The following TBC1D5 variants were observed in gnomAD, a reference collection of about 807,000 sequenced individuals.
TBC1D5 encodes the protein TBC1 domain family member 5, also known as TBC1 domain family, member 5.
TBC1D5 carries 75 observed loss-of-function variants against 100.3 expected under a neutral mutation model. That is an observed-to-expected ratio of 0.75 (90% CI 0.62 to 0.91). The LOEUF (loss-of-function observed/expected upper bound fraction) is 0.91, where lower values mean the gene tolerates loss of function less well. TBC1D5 is among the 40% of genes least tolerant of loss of function. TBC1D5 has a pLI of 0.00. For missense variants in TBC1D5, 910 were observed against 942.4 expected, an observed-to-expected ratio of 0.97 and a Z score of 0.45; for synonymous variants, 323 against 325.6, an observed-to-expected ratio of 0.99 and a Z score of 0.09.
intron 1 of TBC1D5, among the ~76,000 whole-genome samples, chr3:17,657,255 T>C (rs577239602): frequency 6.6e-6 from 1 of 151,368 alleles, no homozygotes; most frequent in East Asian, 1.9e-4. Flanking sequence ...GGGTAAGTAC[T>C]ACCAACTTCA....
chr3:17,160,846 T>A, exon 22 of TBC1D5: 1 of 1,321,526 alleles, frequency 7.6e-7, no homozygotes, highest in Non-Finnish European at 1.0e-6. Flanking sequence ...CAATGCAAAA[T>A]GCATGCCGGG....
At chr3:17,579,973 G>A (rs994315512) in intron 2 of TBC1D5, among the ~76,000 whole-genome samples, 3 of 152,114 alleles carry the variant, frequency 2.0e-5, no homozygotes, top group Admixed American at 6.6e-5. Flanking sequence ...CGGGGCTGAT[G>A]TGACCAGGAG....
chr3:17,709,206 G>A (rs1423615025), intron 1 of TBC1D5, among the ~76,000 whole-genome samples: 3 of 152,088 alleles, frequency 2.0e-5, no homozygotes, highest in East Asian at 1.9e-4. Context: ...CAAATCTTTC[G>A]AAAGAGATCA....
intron 14 of TBC1D5, among the ~76,000 whole-genome samples, chr3:17,302,327 C>T (rs75253039): frequency 6.6e-6 from 1 of 152,132 alleles, no homozygotes; most frequent in Non-Finnish European, 1.5e-5. Flanking sequence ...GTGCATGTCT[C>T]TTGCCAAATT....
At chr3:17,580,813 G>A (rs2096689466) in intron 2 of TBC1D5, among the ~76,000 whole-genome samples, 1 of 152,094 alleles carries the variant, frequency 6.6e-6, no homozygotes, top group Non-Finnish European at 1.5e-5. Flanking sequence ...AGACCAATGA[G>A]TTTTCCTCTT....
At position 17,383,900 on chromosome 3, in the gene TBC1D5, A is replaced by G. The variant is rs2093048509; in HGVS notation, c.612+13T>C. On this transcript the variant is annotated intron_variant, in intron 9 of 21. Transcript: ENST00000253692. ...TGAGTCAATGGATGCCACCTGTAAGATATTTTCATTACCTGTTTATAAAGC... is the reference window on the plus strand; with the variant it reads ...TGAGTCAATGGATGCCACCTGTAAGGTATTTTCATTACCTGTTTATAAAGC... 1 of 1,575,702 alleles carries G rather than the reference A, an allele frequency of 6.3e-7. No homozygotes were observed. The highest frequency in any genetic ancestry group is 1.2e-5 in the South Asian group (1 of 85,670).
chr3:17,463,333 C>T (rs550371142), intron 3 of TBC1D5, among the ~76,000 whole-genome samples: 11 of 152,152 alleles, frequency 7.2e-5, no homozygotes, highest in Non-Finnish European at 1.6e-4. Context: ...TATTTGCCTA[C>T]TTCTGGGTTC....
intron 3 of TBC1D5, among the ~76,000 whole-genome samples, chr3:17,487,064 A>C (rs7427235): frequency 0.08 from 12,195 of 152,254 alleles, 1,010 homozygotes; most frequent in African/African-American, 0.22. Context: ...AACTAAAGCC[A>C]ATTGGACAAA....
intron 15 of TBC1D5, among the ~76,000 whole-genome samples, chr3:17,260,982 T>C (rs939144467): frequency 4.6e-5 from 7 of 152,066 alleles, no homozygotes; most frequent in Non-Finnish European, 1.5e-5. Flanking sequence ...TAGCCACACT[T>C]CAAGTGCTAA....
At chr3:17,617,203 T>TATTG (rs1437225242) in intron 2 of TBC1D5, among the ~76,000 whole-genome samples, 1 of 152,220 alleles carries the variant, frequency 6.6e-6, no homozygotes, top group Non-Finnish European at 1.5e-5. Flanking sequence ...GAATGTTGAA[T>TATTG]ATTGGCTCCC....
intron 17 of TBC1D5, among the ~76,000 whole-genome samples, chr3:17,227,310 CA>C (rs2074996766): frequency 6.6e-6 from 1 of 152,096 alleles, no homozygotes; most frequent in African/African-American, 2.4e-5. Context: ...CTAGCTTAAT[CA>C]GGGCCTGATT....
At chr3:17,186,903 A>C in intron 18 of TBC1D5, among the ~76,000 whole-genome samples, 1 of 152,034 alleles carries the variant, frequency 6.6e-6, no homozygotes, top group East Asian at 1.9e-4. Flanking sequence ...AAGAACAAAT[A>C]CTACAAGAAG....
At chr3:17,292,812 C>T (rs961771822) in intron 14 of TBC1D5, among the ~76,000 whole-genome samples, 3 of 152,214 alleles carry the variant, frequency 2.0e-5, no homozygotes, top group Non-Finnish European at 4.4e-5. Context: ...AGAAACTTTA[C>T]AGTTTTAACT....
At chr3:17,401,536 C>T (rs2093652181) in intron 8 of TBC1D5, among the ~76,000 whole-genome samples, 1 of 151,940 alleles carries the variant, frequency 6.6e-6, no homozygotes, top group African/African-American at 2.4e-5. Flanking sequence ...AAAAAATTCC[C>T]AGTATCACTG....
At position 17,428,431 on chromosome 3, in the gene TBC1D5, A is replaced by ATATG. The variant is rs1553748272; in HGVS notation, c.167+15_167+18dup. 1 of 714,296 alleles carries ATATG rather than the reference A, an allele frequency of 1.4e-6. No homozygotes were observed. Among genetic ancestry groups the ATATG allele is most frequent in the Non-Finnish European group, 2.1e-6 (1 of 481,958 alleles). The allele number at this position is 714,296 out of a possible 1,614,324, so 44.2% of individuals were successfully genotyped here. ...TGTGTGTATATATATATATATATAT[A>ATATG]TATGTATTCATCACCTACCTATAGG... is the stretch of plus-strand genomic sequence containing the variant. On this transcript the variant is annotated intron_variant, in intron 4 of 21. Coordinates refer to ENST00000253692, the Ensembl canonical transcript of TBC1D5.
At chr3:17,458,326 C>T (rs182495128) in intron 3 of TBC1D5, among the ~76,000 whole-genome samples, 10 of 152,292 alleles carry the variant, frequency 6.6e-5, no homozygotes, top group Non-Finnish European at 1.3e-4. Context: ...ATTGTTGCAG[C>T]GCTTCTGACA....
chr3:17,569,197 A>G (rs1477001255), intron 2 of TBC1D5, among the ~76,000 whole-genome samples: 5 of 151,848 alleles, frequency 3.3e-5, no homozygotes, highest in Non-Finnish European at 7.4e-5. Context: ...AAAGATAAAA[A>G]CCCAATCCTA....
chr3:17,426,033 G>GA (rs5846961), intron 4 of TBC1D5, among the ~76,000 whole-genome samples: 76,670 of 151,862 alleles, frequency 0.5, 21,190 homozygotes, highest in African/African-American at 0.71. Flanking sequence ...GTATGTTGGT[G>GA]TAGGTTTCAG....
intron 4 of TBC1D5, chr3:17,406,753 CATA>C: frequency 8.1e-6 from 4 of 491,448 alleles, no homozygotes; most frequent in Non-Finnish European, 1.1e-5. Context: ...TACTGAAATT[CATA>C]ATGTCTATGG....
Sources: gnomAD v4.1 joint callset for allele counts (sites outside exome capture counted in the v4.1 genomes callset) on GRCh38, gnomAD v4.1.1 for gene constraint, MANE v1.5 for transcripts, NCBI Gene and HGNC (gene_info 2026-07-23, HGNC 2026-07-21) for gene names.